The following CCDC3 variants were observed in gnomAD, a reference collection of about 807,000 sequenced individuals.
CCDC3 encodes coiled-coil domain-containing protein 3.
In CCDC3, 24 loss-of-function variants were observed where a neutral mutation model predicts 21.4. That is an observed-to-expected ratio of 1.12 (90% CI 0.81 to 1.58). The LOEUF is 1.58. CCDC3 is among the 40% of genes most tolerant of loss of function. The pLI is 0.00. For missense variants in CCDC3, 425 were observed against 360.9 expected, an observed-to-expected ratio of 1.18 and a Z score of -1.44; for synonymous variants, 186 against 166.0, an observed-to-expected ratio of 1.12 and a Z score of -0.93.
At chr10:13,083,829 G>A (rs887749220) in intron 3 of CCDC3, among the ~76,000 whole-genome samples, 11 of 152,216 alleles carry the variant, frequency 7.2e-5, no homozygotes, top group Non-Finnish European at 1.3e-4. Context: ...GACAAGCTGC[G>A]TAAGGGATAA....
chr10:13,007,689 G>A (rs938510665), intron 5 of CCDC3, among the ~76,000 whole-genome samples: 1 of 152,090 alleles, frequency 6.6e-6, no homozygotes, highest in Non-Finnish European at 1.5e-5. Flanking sequence ...GATAGACCAA[G>A]TATGGTCAAA....
rs569302085 is a variant in CCDC3, at chr10:13,010,109, G to A, written c.-1-11597C>T. Among the ~76,000 whole-genome samples, 7 of 152,228 alleles carry A rather than the reference G, an allele frequency of 4.6e-5. No individual in the cohort carries two copies. The South Asian group carries it at 1.2e-3, about 27-fold the overall frequency. On this transcript the variant is annotated intron_variant, in intron 5 of 6. Transcript: ENST00000378839. ...CTAAAAATACAAAAATTAGCAGGGT[G>A]TGGTGGCATGTGCCTGTAGTCCCAG...
At chr10:12,971,525 CTCCT>C (rs1835343340) in intron 2 of CCDC3, among the ~76,000 whole-genome samples, 1 of 152,162 alleles carries the variant, frequency 6.6e-6, no homozygotes, top group South Asian at 2.1e-4. Context: ...TGAATGTCAG[CTCCT>C]GGCACTGCTA....
At chr10:12,953,856 T>C (rs1280790871) in intron 2 of CCDC3, among the ~76,000 whole-genome samples, 1 of 152,170 alleles carries the variant, frequency 6.6e-6, no homozygotes, top group African/African-American at 2.4e-5. Context: ...CTGGCAAACT[T>C]TTTCAGTAAA....
intron 5 of CCDC3, among the ~76,000 whole-genome samples, chr10:13,022,457 A>G (rs1486333689): frequency 6.6e-6 from 1 of 152,106 alleles, no homozygotes; most frequent in Non-Finnish European, 1.5e-5. Flanking sequence ...ATTTACCAGA[A>G]AGCCCACCAT....
chr10:13,068,185 C>T (rs184266088), intron 4 of CCDC3, among the ~76,000 whole-genome samples: 2 of 152,264 alleles, frequency 1.3e-5, no homozygotes, highest in East Asian at 3.9e-4. Flanking sequence ...GCCTCCCAGT[C>T]ATGCCTATTT....
At chr10:12,984,174 A>G (rs1047013351) in intron 2 of CCDC3, among the ~76,000 whole-genome samples, 1 of 152,244 alleles carries the variant, frequency 6.6e-6, no homozygotes, top group African/African-American at 2.4e-5. Flanking sequence ...AGGGTTTAGT[A>G]TCCATAATAA....
chr10:12,968,467 T>A (rs960324389), intron 2 of CCDC3, among the ~76,000 whole-genome samples: 1 of 152,206 alleles, frequency 6.6e-6, no homozygotes, highest in Non-Finnish European at 1.5e-5. Context: ...CCAACAGACC[T>A]GTCTTACAAG....
chr10:12,959,622 A>T (rs1355590989), intron 2 of CCDC3, among the ~76,000 whole-genome samples: 1 of 152,184 alleles, frequency 6.6e-6, no homozygotes, highest in African/African-American at 2.4e-5. Context: ...CCATAGTTAC[A>T]GCATCTCCTC....
intron 2 of CCDC3, among the ~76,000 whole-genome samples, chr10:12,900,398 G>A (rs963874426): frequency 3.3e-5 from 5 of 151,874 alleles, no homozygotes; most frequent in Non-Finnish European, 5.9e-5. Flanking sequence ...ATTGAGCCGG[G>A]CTGGGTGTGG....
At chr10:12,952,628 G>A (rs1211639142) in intron 2 of CCDC3, among the ~76,000 whole-genome samples, 1 of 152,118 alleles carries the variant, frequency 6.6e-6, no homozygotes, top group East Asian at 1.9e-4. Flanking sequence ...TGGCATTGAT[G>A]AACGAATCCG....
chr10:13,089,734 G>A (rs564709429), intron 3 of CCDC3, among the ~76,000 whole-genome samples: 110 of 151,256 alleles, frequency 7.3e-4, no homozygotes, highest in African/African-American at 2.6e-3. Context: ...TTGGTTACAG[G>A]GATAAGTTTT....
chr10:12,951,855 G>A (rs1400011973), intron 2 of CCDC3, among the ~76,000 whole-genome samples: 1 of 136,442 alleles, frequency 7.3e-6, no homozygotes, highest in Non-Finnish European at 1.6e-5. Flanking sequence ...CTACAGCCCA[G>A]AGCACATGGA....
At chr10:13,078,538 C>T (rs1836993132) in intron 3 of CCDC3, among the ~76,000 whole-genome samples, 2 of 152,316 alleles carry the variant, frequency 1.3e-5, no homozygotes, top group South Asian at 4.1e-4. Context: ...GTAAATTATA[C>T]TACTATAAAG....
chr10:12,941,295 C>G (rs1006904498), intron 2 of CCDC3, among the ~76,000 whole-genome samples: 1 of 152,190 alleles, frequency 6.6e-6, no homozygotes, highest in African/African-American at 2.4e-5. Context: ...TAATCCACCC[C>G]TTGTTTAGCA....
At chr10:12,948,199 C>T (rs1834948385) in intron 2 of CCDC3, among the ~76,000 whole-genome samples, 1 of 152,166 alleles carries the variant, frequency 6.6e-6, no homozygotes, top group South Asian at 2.1e-4. Flanking sequence ...CTCTTGCCTG[C>T]CACCACATAA....
chr10:13,065,845 C>G (rs1836814708), intron 4 of CCDC3, among the ~76,000 whole-genome samples: 1 of 152,212 alleles, frequency 6.6e-6, no homozygotes, highest in African/African-American at 2.4e-5. Context: ...TCCATCCAGA[C>G]AGGAACCGAG....
At chr10:13,048,412 T>C (rs570087270) in intron 5 of CCDC3, among the ~76,000 whole-genome samples, 34 of 152,250 alleles carry the variant, frequency 2.2e-4, no homozygotes, top group Admixed American at 1.4e-3. Flanking sequence ...CAGGACAGTC[T>C]TGATTTCCTG....
At chr10:12,936,826 T>A (rs901246160) in intron 2 of CCDC3, among the ~76,000 whole-genome samples, 3 of 152,198 alleles carry the variant, frequency 2.0e-5, no homozygotes, top group Non-Finnish European at 2.9e-5. Context: ...GGTAGGAGGA[T>A]GGCATGAGCC....
Sources: allele counts gnomAD v4.1 joint callset (sites outside exome capture counted in the v4.1 genomes callset), GRCh38; gene constraint gnomAD v4.1.1; transcripts MANE v1.5; gene names NCBI Gene and HGNC (gene_info 2026-07-23, HGNC 2026-07-21).